The following GABRA3 variants were observed in gnomAD, a reference collection of about 807,000 sequenced individuals.
The protein encoded by GABRA3 is gamma-aminobutyric acid type A receptor subunit alpha3, also known as gamma-aminobutyric acid receptor subunit alpha-3.
Under a neutral mutation model 30.1 loss-of-function variants are expected in GABRA3, and 10 were observed. The observed-to-expected ratio is 0.33, with a 90% CI of 0.20 to 0.56. GABRA3 has a LOEUF of 0.56. Among genes scored for constraint, GABRA3 ranks in the 20% least tolerant of loss-of-function variants. The pLI, the probability that GABRA3 is intolerant of heterozygous loss-of-function variation, is 0.89. For synonymous variants in GABRA3, 151 were observed against 146.8 expected (o/e 1.03, Z -0.21); for missense variants, 233 against 392.0 (o/e 0.59, Z 3.42).
At chrX:152,287,627 G>A (rs893020447) in intron 3 of GABRA3, among the ~76,000 whole-genome samples, 2 of 111,171 alleles carry the variant, frequency 1.8e-5, no homozygotes, top group African/African-American at 6.5e-5. Context: ...TCATAGCAGC[G>A]TAAGAACGGA....
intron 5 of GABRA3, among the ~76,000 whole-genome samples, chrX:152,233,452 AT>A (rs915209489): frequency 1.1e-4 from 12 of 110,000 alleles, no homozygotes; most frequent in Admixed American, 9.7e-5. Flanking sequence ...AAAAATGCTC[AT>A]CATCACTGGC....
intron 6 of GABRA3, among the ~76,000 whole-genome samples, chrX:152,209,882 C>G (rs1238647021): frequency 8.9e-6 from 1 of 112,444 alleles, no homozygotes; most frequent in Non-Finnish European, 1.9e-5. Flanking sequence ...GAAAATATCA[C>G]AGGAAGTTTA....
intron 4 of GABRA3, among the ~76,000 whole-genome samples, chrX:152,275,226 A>G (rs1224206808): frequency 1.7e-5 from 1 of 58,748 alleles, no homozygotes; most frequent in Non-Finnish European, 2.8e-5. Context: ...ATATATATAT[A>G]ATTTATATAT....
At chrX:152,178,079 C>T (rs1937096569) in intron 9 of GABRA3, among the ~76,000 whole-genome samples, 1 of 111,235 alleles carries the variant, frequency 9.0e-6, no homozygotes, top group Admixed American at 9.7e-5. Context: ...TTTATCTCTC[C>T]TGTGACACTC....
At chrX:152,185,507 T>A (rs976257288) in intron 9 of GABRA3, among the ~76,000 whole-genome samples, 1 of 111,208 alleles carries the variant, frequency 9.0e-6, no homozygotes, top group African/African-American at 3.3e-5. Flanking sequence ...CTTCCACTCC[T>A]CTTACTGGCC....
chrX:152,376,336 A>T (rs1465632004), intron 1 of GABRA3, among the ~76,000 whole-genome samples: 1 of 110,175 alleles, frequency 9.1e-6, no homozygotes, highest in Non-Finnish European at 1.9e-5. Flanking sequence ...TATGAATCCT[A>T]ATCTCCGAGC....
intron 1 of GABRA3, among the ~76,000 whole-genome samples, chrX:152,428,430 T>C (rs1930565427): frequency 8.9e-6 from 1 of 112,285 alleles, no homozygotes; most frequent in Non-Finnish European, 1.9e-5. Context: ...GTCCCCAGGG[T>C]ACAGGAGCTA....
Position 152,212,248 on chromosome X carries a change from C to T in GABRA3, c.635-4104G>A, listed in dbSNP as rs190680022. ...ACAGTGAGCTGTGATTGAACCACTG[C>T]ACTCCAGCCCAGGCAATAGAGCAAG... On this transcript the variant is annotated intron_variant, in intron 6 of 9. Coordinates refer to ENST00000370314, the MANE Select transcript of GABRA3 (RefSeq NM_000808.4). Among the ~76,000 whole-genome samples the T allele has an allele frequency of 1.2e-4, 10 of 81,865 alleles. No individual in the cohort carries two copies. In the East Asian group the frequency reaches 4.6e-3, roughly 38 times the overall value. The allele number at this position is 81,865 out of a possible 115,157, so 71.1% of individuals were successfully genotyped here. A position where few individuals can be genotyped will look rare whatever the true frequency, so the allele number is the denominator to read the frequency against.
At chrX:152,396,912 ACT>A (rs908548274) in intron 1 of GABRA3, among the ~76,000 whole-genome samples, 5 of 111,993 alleles carry the variant, frequency 4.5e-5, no homozygotes, top group African/African-American at 1.6e-4. Flanking sequence ...ATGTGCATAA[ACT>A]CTTCTTATAT....
chrX:152,447,141 A>G lies in GABRA3; in HGVS notation c.-27+4005T>C, dbSNP rs950776289. ...CTTCTCTTTCCTACTTGACTGTGTC[A>G]TCTTGGAGGGCAGAGGCTATTCTTA... On this transcript the variant is annotated intron_variant, in intron 1 of 9. Transcript: ENST00000370314. 2.7e-5 allele frequency among the ~76,000 whole-genome samples: 3 copies of G among 110,423 alleles called. No individual in the cohort carries two copies. The Admixed American group carries it at 2.9e-4, about 11-fold the overall frequency.
At chrX:152,364,207 A>G (rs1928587803) in intron 2 of GABRA3, among the ~76,000 whole-genome samples, 1 of 111,481 alleles carries the variant, frequency 9.0e-6, no homozygotes, top group African/African-American at 3.3e-5. Flanking sequence ...GATATTACAG[A>G]GGTGATTCAA....
chrX:152,250,509 G>A (rs968438173), intron 5 of GABRA3: 3 of 111,119 alleles, frequency 2.7e-5, no homozygotes, highest in East Asian at 2.8e-4. Context: ...ATGTTTACCC[G>A]TGTCCTCATA....
chrX:152,395,911 T>C (rs1287387822), intron 1 of GABRA3, among the ~76,000 whole-genome samples: 3 of 111,981 alleles, frequency 2.7e-5, no homozygotes, highest in African/African-American at 6.5e-5. Flanking sequence ...GATGAACACA[T>C]GCCTAATTTA....
At chrX:152,257,743 C>G (rs1037313715) in intron 4 of GABRA3, among the ~76,000 whole-genome samples, 2 of 112,350 alleles carry the variant, frequency 1.8e-5, no homozygotes, top group Admixed American at 1.9e-4. Flanking sequence ...AAAGGGTAAA[C>G]TAGATCAACT....
chrX:152,380,477 C>A (rs1052013033), intron 1 of GABRA3, among the ~76,000 whole-genome samples: 3 of 112,025 alleles, frequency 2.7e-5, no homozygotes, highest in African/African-American at 9.7e-5. Flanking sequence ...ATATATACCA[C>A]ATTTTCTTTA....
chrX:152,374,154 T>C (rs1350805394), intron 1 of GABRA3, among the ~76,000 whole-genome samples: 1 of 110,340 alleles, frequency 9.1e-6, no homozygotes, highest in African/African-American at 3.3e-5. Context: ...ATGGGGTTTT[T>C]TGCTTGTAAG....
chrX:152,440,665 A>G (rs1225828588), intron 1 of GABRA3, among the ~76,000 whole-genome samples: 1 of 112,311 alleles, frequency 8.9e-6, no homozygotes, highest in Non-Finnish European at 1.9e-5. Context: ...TATATTCACC[A>G]CAGAATACTA....
intron 6 of GABRA3, among the ~76,000 whole-genome samples, chrX:152,224,265 C>T (rs1381984266): frequency 8.9e-6 from 1 of 111,969 alleles, no homozygotes; most frequent in Admixed American, 9.5e-5. Context: ...GTAAAATGTA[C>T]AGCTACTGGA....
chrX:152,420,218 G>C (rs1479896785), intron 1 of GABRA3, among the ~76,000 whole-genome samples: 1 of 111,564 alleles, frequency 9.0e-6, no homozygotes, highest in Admixed American at 9.6e-5. Flanking sequence ...GAATGAAATA[G>C]AAGATGCCTA....
Sources: gnomAD v4.1 joint callset for allele counts (sites outside exome capture counted in the v4.1 genomes callset) on GRCh38, gnomAD v4.1.1 for gene constraint, MANE v1.5 for transcripts, NCBI Gene and HGNC (gene_info 2026-07-23, HGNC 2026-07-21) for gene names.